The following UPF1 variants were observed in gnomAD, a reference collection of about 807,000 sequenced individuals.
UPF1 encodes regulator of nonsense transcripts 1.
In UPF1, 9 loss-of-function variants were observed where a neutral mutation model predicts 129.2. The observed-to-expected ratio is 0.07, with a 90% CI of 0.04 to 0.12. The LOEUF is 0.12. Among genes scored for constraint, UPF1 ranks in the 10% least tolerant of loss-of-function variants. UPF1 has a pLI of 1.00. For missense variants in UPF1, 788 were observed against 1,525.3 expected, an observed-to-expected ratio of 0.52 and a Z score of 8.05; for synonymous variants, 649 against 644.9, an observed-to-expected ratio of 1.01 and a Z score of -0.10.
chr19:18,864,743 T>G (rs1023757232), intron 20 of UPF1, among the ~76,000 whole-genome samples: 2 of 140,514 alleles, frequency 1.4e-5, no homozygotes, highest in Non-Finnish European at 3.1e-5. Flanking sequence ...GTTTTTTTTT[T>G]TTTTTTTTTT....
chr19:18,834,022 AGAGAG>A (rs1247379350), intron 1 of UPF1, among the ~76,000 whole-genome samples: 1 of 152,096 alleles, frequency 6.6e-6, no homozygotes, highest in Non-Finnish European at 1.5e-5. Flanking sequence ...GGAGGGAGGG[AGAGAG>A]GAGAGTTCTC....
chr19:18,865,450 G>A lies in UPF1; in HGVS notation c.3019G>A (p.Gly1007Arg), dbSNP rs1326315647. The change falls in exon 21 of 24, where the codon GGG becomes AGG. Residue 1007 changes from glycine (G) to arginine (R), a missense_variant and splice_region_variant. Transcript: ENST00000262803. The surrounding 1 kb of genome is among the most constrained non-coding windows in gnomAD (Gnocchi z 6.1). ...YFGQANGPAA[G>R]RGTPKGKTGR... ...TGGACAAGCCAACGGGCCTGCTGCA[G>A]GTGAGCATCTGTGGCTGCGGCTGGG... 6.2e-7 allele frequency: 1 copy of A among 1,613,116 alleles called. No homozygotes were observed. Among genetic ancestry groups the A allele is most frequent in the Admixed American group, 1.7e-5 (1 of 60,008 alleles).
In UPF1 at chr19:18,866,144, C is replaced by T. The variant is rs764484697; in HGVS notation, c.3338C>T (p.Thr1113Met). 9.3e-6 allele frequency: 15 copies of T among 1,607,312 alleles called. No individual in the cohort carries two copies. The highest frequency in any genetic ancestry group is 8.0e-5 in the African/African-American group (6 of 74,652). The change falls in exon 23 of 24, where the codon ACG (threonine) becomes ATG (methionine). Residue 1113 changes from threonine to methionine, a missense_variant. Thr to Met is a moderately conservative substitution (Grantham distance 81). Coordinates refer to ENST00000262803, the MANE Select transcript of UPF1 (RefSeq NM_002911.4). ...GERAYQHGGV[T>M]GLSQY ...CGGGCTTACCAGCATGGCGGGGTGA[C>T]GGGGCTGTCCCAGTATTAAAAGGCA...
In UPF1 at chr19:18,865,406, TGCCACC is replaced by T. The variant is rs1403070118; in HGVS notation, c.2979_2984del (p.Pro994_Pro995del). ...CCCTTCAACCTGGTCATGCCACCCA[TGCCACC>T]GCCTGGCTATTTTGGACAAGCCAAC... On this transcript the variant is annotated inframe_deletion, in exon 21 of 24. Coordinates refer to ENST00000262803, the MANE Select transcript of UPF1 (RefSeq NM_002911.4). The surrounding 1 kb of genome is among the most constrained non-coding windows in gnomAD (Gnocchi z 6.1). The T allele has an allele frequency of 6.2e-7, 1 of 1,613,906 alleles. No homozygotes were observed. Among genetic ancestry groups the T allele is most frequent in the African/African-American group, 1.3e-5 (1 of 74,946 alleles).
rs767175985 is a variant in UPF1, at chr19:18,865,669, A to G, written c.3128A>G (p.Asp1043Gly). ...TNLPNSQASQ[D>G]VASQPFSQGA... is the part of the protein sequence containing the mutation. ...CTCCCCAACAGCCAAGCCAGCCAGGATGTGGCGTCACAGCCCTTCTCTCAG... is the reference window on the plus strand; with the variant it reads ...CTCCCCAACAGCCAAGCCAGCCAGGGTGTGGCGTCACAGCCCTTCTCTCAG... The change falls in exon 22 of 24, where the codon GAT (aspartate) becomes GGT (glycine). Residue 1043 changes from aspartate (D) to glycine (G), a missense_variant. By Grantham distance (94) the Asp-to-Gly change is moderately conservative. This residue lies in a region of UPF1 where 218 missense variants were observed against 318.1 expected (regional missense o/e 0.69). Transcript: ENST00000262803. This position sits in a 1 kb window ranked among gnomAD's most constrained non-coding sequence, Gnocchi z 6.1. The G allele has an allele frequency of 6.2e-7, 1 of 1,613,870 alleles. No homozygotes were observed. Among genetic ancestry groups the G allele is most frequent in the Non-Finnish European group, 8.5e-7 (1 of 1,180,012 alleles).
intron 11 of UPF1, 21 bp downstream of exon 11, chr19:18,855,263 G>C (rs1378032035): frequency 1.2e-6 from 2 of 1,605,830 alleles, no homozygotes; most frequent in East Asian, 4.5e-5. Context: ...CACGGCCCTT[G>C]CGGGCAAGAC....
At chr19:18,844,324 TTTC>T (rs1386101150) in intron 1 of UPF1, among the ~76,000 whole-genome samples, 1 of 149,284 alleles carries the variant, frequency 6.7e-6, no homozygotes, top group Non-Finnish European at 1.5e-5. Flanking sequence ...GTTTTTCTTT[TTTC>T]TTTTTTTTTT....
chr19:18,863,972 G>C (rs2055810691), intron 19 of UPF1, among the ~76,000 whole-genome samples, 198 bp from the exon 20 acceptor site: 1 of 152,116 alleles, frequency 6.6e-6, no homozygotes, highest in Admixed American at 6.5e-5. Context: ...GTCAGCATCA[G>C]AGCCCAGGTC....
intron 5 of UPF1, 43 bp from the exon 6 acceptor site, chr19:18,852,092 G>T: frequency 6.4e-7 from 1 of 1,553,080 alleles, no homozygotes; most frequent in South Asian, 1.2e-5. Context: ...TTTGCATGTA[G>T]GGAAAAACAG....
chr19:18,838,756 A>G (rs947096782), intron 1 of UPF1, among the ~76,000 whole-genome samples: 3 of 152,294 alleles, frequency 2.0e-5, no homozygotes, highest in South Asian at 4.1e-4. Flanking sequence ...GTTTACCTGG[A>G]GGAGTGTTGG....
chr19:18,855,050 C>T lies in UPF1; in HGVS notation c.1425+12C>T. 2.5e-6 allele frequency: 4 copies of T among 1,613,320 alleles called. No homozygotes were observed. The highest frequency in any genetic ancestry group is 3.4e-6 in the Non-Finnish European group (4 of 1,179,678). On this transcript the variant is annotated intron_variant, in intron 10 of 23. Coordinates refer to ENST00000262803, the MANE Select transcript of UPF1 (RefSeq NM_002911.4). ...TCAACCACTCCCAGGTGCGCGCCGT[C>T]CTCAGCGCGCGGGGCCTCGCCCATG... is the stretch of plus-strand genomic sequence containing the variant.
At position 18,867,280 on chromosome 19, in the gene UPF1, C is replaced by T. The variant is rs1164793517; in HGVS notation, c.*763C>T. ...CTTCCAGTGGCTTCTTTCTGCGGGGCATCAGGCTGCTGGGGTAGCCGCCCG... is the reference window on the plus strand; with the variant it reads ...CTTCCAGTGGCTTCTTTCTGCGGGGTATCAGGCTGCTGGGGTAGCCGCCCG... On this transcript the variant is annotated 3_prime_UTR_variant, in exon 24 of 24. Transcript: ENST00000262803. 6.6e-6 allele frequency: 1 copy of T among 152,374 alleles called. No individual in the cohort carries two copies. Among genetic ancestry groups the T allele is most frequent in the East Asian group, 1.9e-4 (1 of 5,178 alleles). The allele number at this position is 152,374 out of a possible 1,614,324, so 9.4% of individuals were successfully genotyped here.
rs774783712 is a variant in UPF1, at chr19:18,860,986, C to T, written c.2457+4C>T. 8.3e-6 allele frequency: 13 copies of T among 1,572,502 alleles called. No homozygotes were observed. Among genetic ancestry groups the T allele is most frequent in the African/African-American group, 2.7e-5 (2 of 74,064 alleles). On this transcript the variant is annotated splice_donor_region_variant and intron_variant, in intron 17 of 23. Coordinates refer to ENST00000262803, the MANE Select transcript of UPF1 (RefSeq NM_002911.4). ...CCTGCACACCAAGCTCTACCAGGTGCGCTGCGCCCTCGGGCACACTTGGTC... is the reference window on the plus strand; with the variant it reads ...CCTGCACACCAAGCTCTACCAGGTGTGCTGCGCCCTCGGGCACACTTGGTC...
chr19:18,858,302 G>A (rs2055740362), intron 15 of UPF1, among the ~76,000 whole-genome samples: 1 of 152,182 alleles, frequency 6.6e-6, no homozygotes, highest in South Asian at 2.1e-4. Context: ...CCAGAATTTT[G>A]GAAAACTTAA....
At chr19:18,846,217 T>G in intron 2 of UPF1, 98 bp downstream of exon 2, 1 of 1,533,738 alleles carries the variant, frequency 6.5e-7, no homozygotes, top group East Asian at 2.3e-5. Flanking sequence ...GGTGGCGCCC[T>G]TGTGCTGTGA....
chr19:18,850,662 C>A lies in UPF1; in HGVS notation c.630-26C>A. On this transcript the variant is annotated intron_variant, in intron 4 of 23. Coordinates refer to ENST00000262803, the MANE Select transcript of UPF1 (RefSeq NM_002911.4). The surrounding 1 kb of genome is among the most constrained non-coding windows in gnomAD (Gnocchi z 7.1). ...CGGGGCTTCAGGGACGGGAGCTGGT[C>A]CTCACGGCCCCCTCCCGCTCTGCAG... 1 of 1,534,202 alleles carries A rather than the reference C, an allele frequency of 6.5e-7. No individual in the cohort carries two copies. Among genetic ancestry groups the A allele is most frequent in the South Asian group, 1.2e-5 (1 of 80,848 alleles).
At chr19:18,863,042 G>T in intron 18 of UPF1, 1 of 184,654 alleles carries the variant, frequency 5.4e-6, no homozygotes. Context: ...GGGCAGTATT[G>T]GGTGGGTCCC....
At chr19:18,837,548 A>G (rs2055496427) in intron 1 of UPF1, among the ~76,000 whole-genome samples, 1 of 152,226 alleles carries the variant, frequency 6.6e-6, no homozygotes, top group South Asian at 2.1e-4. Flanking sequence ...TGGGTAAACA[A>G]AGCAGTGTGT....
chr19:18,850,333 C>G lies in UPF1; in HGVS notation c.629+91C>G. ...GGCCCAGCCCAGCCCAGCCGTGGCT[C>G]TAACTCCAGGGAGTTGTCCTCCAAA... On this transcript the variant is annotated intron_variant, in intron 4 of 23. Coordinates refer to ENST00000262803, the MANE Select transcript of UPF1 (RefSeq NM_002911.4). This position sits in a 1 kb window ranked among gnomAD's most constrained non-coding sequence, Gnocchi z 7.1. 6.8e-7 allele frequency: 1 copy of G among 1,479,946 alleles called. No individual in the cohort carries two copies. Among genetic ancestry groups the G allele is most frequent in the Non-Finnish European group, 9.0e-7 (1 of 1,110,126 alleles). 91.7% of individuals were successfully genotyped at this position (1,479,946 alleles called of 1,614,324 possible).
Sources: gnomAD v4.1 joint callset for allele counts (sites outside exome capture counted in the v4.1 genomes callset) on GRCh38, gnomAD v4.1.1 for gene constraint, gnomAD v4.1.1 regional missense constraint, Gnocchi (gnomAD v3.1) non-coding constraint, MANE v1.5 for transcripts, NCBI Gene and HGNC (gene_info 2026-07-23, HGNC 2026-07-21) for gene names.